ATP6V0E1: variants seen among roughly 807,000 people sequenced by gnomAD.
ATP6V0E1 encodes V-type proton ATPase subunit e 1.
Under a neutral mutation model 11.6 loss-of-function variants are expected in ATP6V0E1, and 4 were observed. The observed-to-expected ratio is 0.35, with a 90% CI of 0.17 to 0.79. The LOEUF (loss-of-function observed/expected upper bound fraction) is 0.79. Among genes scored for constraint, ATP6V0E1 ranks in the 30% least tolerant of loss-of-function variants. The probability of loss-of-function intolerance (pLI) is 0.54; values close to 1 mark genes in which losing one functional copy is unlikely to be tolerated. For missense variants in ATP6V0E1, 105 were observed against 100.0 expected (o/e 1.05, Z -0.21); for synonymous variants, 36 against 34.8 (o/e 1.04, Z -0.13).
At chr5:173,012,679 G>C (rs1174971998) in intron 2 of ATP6V0E1, among the ~76,000 whole-genome samples, 1 of 151,886 alleles carries the variant, frequency 6.6e-6, no homozygotes, top group African/African-American at 2.4e-5. Flanking sequence ...GCTTGAACCT[G>C]GGAGATGAAG....
intron 2 of ATP6V0E1, among the ~76,000 whole-genome samples, chr5:172,996,960 T>TC (rs1230103131): frequency 6.6e-6 from 1 of 151,444 alleles, no homozygotes; most frequent in Non-Finnish European, 1.5e-5. Flanking sequence ...TTCTTTTTTT[T>TC]TTTTTCAAAT....
rs919790782 is a variant in ATP6V0E1, at chr5:172,998,509, G to A, written c.152+3687G>A. Among the ~76,000 whole-genome samples, 5 of 151,856 alleles carry A rather than the reference G, an allele frequency of 3.3e-5. No individual in the cohort carries two copies. The East Asian group carries it at 7.7e-4, about 24-fold the overall frequency. Reference sequence around the variant, plus strand: ...ACCTGTAGTCCCAGCTACTTGGGAGGCTGAGGCAGGAGAATTGCTTGAACC... The same window carrying A: ...ACCTGTAGTCCCAGCTACTTGGGAGACTGAGGCAGGAGAATTGCTTGAACC... On this transcript the variant is annotated intron_variant, in intron 2 of 3. Coordinates refer to ENST00000519374, the MANE Select transcript of ATP6V0E1 (RefSeq NM_003945.4).
rs1225586772 is a variant in ATP6V0E1, at chr5:173,017,852, AAAAAAAAAG to A, written c.153-2381_153-2373del. On this transcript the variant is annotated intron_variant, in intron 2 of 3. Transcript: ENST00000519374. ...CGAGACTCCTTCTCAAAAAAAAAAA[AAAAAAAAAG>A]AAAAGAAAAGAAAGGGATTCCCTAG... is the stretch of plus-strand genomic sequence containing the variant. 4.1e-5 allele frequency among the ~76,000 whole-genome samples: 6 copies of A among 147,284 alleles called. 1 individual carries two copies. The highest frequency in any genetic ancestry group is 1.6e-4 in the African/African-American group (6 of 37,374).
chr5:173,011,014 A>G (rs1756311392), intron 2 of ATP6V0E1, among the ~76,000 whole-genome samples: 2 of 152,182 alleles, frequency 1.3e-5, no homozygotes, highest in Admixed American at 6.6e-5. Context: ...ATCTCTACAA[A>G]AACATATTCT....
intron 2 of ATP6V0E1, among the ~76,000 whole-genome samples, chr5:173,015,910 A>G (rs1285371757): frequency 6.6e-6 from 1 of 152,088 alleles, no homozygotes; most frequent in Non-Finnish European, 1.5e-5. Context: ...TATTTTTAGT[A>G]GAGACGGGTT....
rs374943687 is a variant in ATP6V0E1 at position 172,983,840 on chromosome 5, G to A, written c.-21G>A. On this transcript the variant is annotated 5_prime_UTR_variant, in exon 1 of 4. Transcript: ENST00000519374. ...ATCCGAGTGAGGCGACGGGGTAGGG[G>A]TTGGCGCTCAGGCGGCGACCATGGC... The A allele has an allele frequency of 7.3e-4, 1,175 of 1,611,436 alleles. 1 individual carries two copies. Among genetic ancestry groups the A allele is most frequent in the Non-Finnish European group, 9.4e-4 (1,109 of 1,177,896 alleles).
intron 3 of ATP6V0E1, among the ~76,000 whole-genome samples, chr5:173,027,373 G>A (rs966845225): frequency 8.7e-4 from 112 of 128,666 alleles, no homozygotes; most frequent in African/African-American, 2.9e-3. Context: ...ATGGTGGCGG[G>A]TGCCTGTAGT....
At chr5:173,012,347 T>C (rs1756338669) in intron 2 of ATP6V0E1, among the ~76,000 whole-genome samples, 1 of 151,304 alleles carries the variant, frequency 6.6e-6, no homozygotes, top group Non-Finnish European at 1.5e-5. Context: ...GATGTGTGCG[T>C]GTGTGTGTAC....
rs145923480 is a variant in ATP6V0E1 at position 172,992,965 on chromosome 5, T to G, written c.105-1810T>G. ...GGCGAGCACCACCACGCCCAGCTAA[T>G]TTTTTTGTATTTTTAGTAGAGATGG... On this transcript the variant is annotated intron_variant, in intron 1 of 3. Coordinates refer to ENST00000519374, the MANE Select transcript of ATP6V0E1 (RefSeq NM_003945.4). Among the ~76,000 whole-genome samples, 1,184 of 151,696 alleles carry G rather than the reference T, an allele frequency of 7.8e-3. 16 individuals are homozygous for G. The highest frequency in any genetic ancestry group is 0.027 in the African/African-American group (1,125 of 41,408).
intron 2 of ATP6V0E1, among the ~76,000 whole-genome samples, chr5:173,002,723 C>G (rs1318491660): frequency 6.6e-6 from 1 of 152,208 alleles, no homozygotes; most frequent in Non-Finnish European, 1.5e-5. Context: ...TCTGGTGGCT[C>G]ATGCCTGTAA....
intron 1 of ATP6V0E1, among the ~76,000 whole-genome samples, chr5:172,984,838 A>G (rs568698452): frequency 2.6e-5 from 4 of 152,316 alleles, no homozygotes; most frequent in Admixed American, 6.5e-5. Context: ...CTCTTGCTTT[A>G]TTCTTGAACC....
At chr5:173,009,397 CAAAGAT>C (rs908433732) in intron 2 of ATP6V0E1, among the ~76,000 whole-genome samples, 12 of 149,632 alleles carry the variant, frequency 8.0e-5, no homozygotes, top group South Asian at 2.1e-4. Context: ...ATTCTCATCT[CAAAGAT>C]AAAAACAAAA....
At position 172,994,765 on chromosome 5, in the gene ATP6V0E1, T is replaced by G. The variant is rs779129450; in HGVS notation, c.105-10T>G. On this transcript the variant is annotated splice_polypyrimidine_tract_variant and intron_variant, in intron 1 of 3. Transcript: ENST00000519374. ...TATTTAATGACATTTGCATTTTTTTTTTTTTTTAGAGTTATCATTACCATG... is the reference window on the plus strand; with the variant it reads ...TATTTAATGACATTTGCATTTTTTTGTTTTTTTAGAGTTATCATTACCATG... 2.5e-6 allele frequency: 4 copies of G among 1,588,042 alleles called. No homozygotes were observed. The Admixed American group carries it at 5.6e-5, about 22-fold the overall frequency.
chr5:172,985,874 G>C (rs1755889854), intron 1 of ATP6V0E1, among the ~76,000 whole-genome samples: 1 of 152,166 alleles, frequency 6.6e-6, no homozygotes, highest in Non-Finnish European at 1.5e-5. Flanking sequence ...TGAACAAAGA[G>C]TTTACTTAAA....
At chr5:173,032,257 ATT>A in intron 3 of ATP6V0E1, among the ~76,000 whole-genome samples, 1 of 98,636 alleles carries the variant, frequency 1.0e-5, no homozygotes. Flanking sequence ...TATTTTATTT[ATT>A]TATTTATTTA....
intron 3 of ATP6V0E1, among the ~76,000 whole-genome samples, chr5:173,022,367 T>C (rs1362509572): frequency 6.6e-6 from 1 of 152,232 alleles, no homozygotes. Context: ...GGTTCCTTCA[T>C]TTGTAAAGTC....
intron 2 of ATP6V0E1, among the ~76,000 whole-genome samples, chr5:173,009,975 G>A (rs890579719): frequency 2.0e-5 from 3 of 151,620 alleles, no homozygotes; most frequent in African/African-American, 4.9e-5. Context: ...TGTTGGTCAC[G>A]CTGGTCTCAA....
chr5:172,991,288 T>A (rs866849142), intron 1 of ATP6V0E1, among the ~76,000 whole-genome samples: 11 of 152,236 alleles, frequency 7.2e-5, no homozygotes, highest in Non-Finnish European at 1.5e-4. Flanking sequence ...TTGCAGTTAT[T>A]GTGGCATTTC....
intron 1 of ATP6V0E1, among the ~76,000 whole-genome samples, chr5:172,985,928 C>A (rs1024149726): frequency 6.6e-6 from 1 of 152,242 alleles, no homozygotes; most frequent in Non-Finnish European, 1.5e-5. Context: ...TTGGTAGAAC[C>A]TGTTGCCTCT....
Sources: allele counts gnomAD v4.1 joint callset (sites outside exome capture counted in the v4.1 genomes callset), GRCh38; gene constraint gnomAD v4.1.1; transcripts MANE v1.5; gene names NCBI Gene and HGNC (gene_info 2026-07-23, HGNC 2026-07-21).